Variants in CNBD2 observed in about 807,000 individuals in gnomAD.
CNBD2 encodes cyclic nucleotide binding domain containing 2.
CNBD2 carries 64 observed loss-of-function variants against 63.7 expected under a neutral mutation model. The observed-to-expected ratio is 1.00, with a 90% confidence interval of 0.82 to 1.24. The LOEUF is 1.24. CNBD2 is among the 50% of genes most tolerant of loss of function. CNBD2 has a pLI of 0.00. For missense variants in CNBD2, 691 were observed against 713.5 expected, an observed-to-expected ratio of 0.97 and a Z score of 0.36; for synonymous variants, 229 against 255.4, an observed-to-expected ratio of 0.90 and a Z score of 0.99.
intron 10 of CNBD2, among the ~76,000 whole-genome samples, chr20:36,017,180 G>T (rs1199176789): frequency 6.6e-6 from 1 of 152,106 alleles, no homozygotes; most frequent in Non-Finnish European, 1.5e-5. Flanking sequence ...AGAGGAGGAG[G>T]AGCAGTGTGC....
At position 35,995,116 on chromosome 20, in the gene CNBD2, C is replaced by CATCA; in HGVS notation, c.934_935insATCA (p.Leu312HisfsTer14). 1 of 1,613,926 alleles carries CATCA rather than the reference C, an allele frequency of 6.2e-7. No individual in the cohort carries two copies. ...TAGATGGATCTGGCAGCACCTGGAG[C>CATCA]TGATAGATGGCAGACCTCTGAAGAC... On this transcript the variant is annotated frameshift_variant, in exon 8 of 12. Coordinates refer to ENST00000373973, the MANE Select transcript of CNBD2 (RefSeq NM_001365709.1). LOFTEE classifies it high-confidence loss of function.
upstream of CNBD2, among the ~76,000 whole-genome samples, chr20:35,966,203 T>C (rs184829923): frequency 2.0e-5 from 3 of 152,320 alleles, no homozygotes; most frequent in Admixed American, 2.0e-4. Flanking sequence ...TCTGTCTCTC[T>C]TTCTAAAACT....
At chr20:36,017,113 C>T (rs189552107) in intron 10 of CNBD2, among the ~76,000 whole-genome samples, 3 of 150,706 alleles carry the variant, frequency 2.0e-5, no homozygotes, top group South Asian at 4.2e-4. Context: ...TGGATGACCA[C>T]GCTTGGCTAT....
In CNBD2 at chr20:36,020,973, A is replaced by G. The variant is rs80036275; in HGVS notation, c.1270-2629A>G. Reference sequence around the variant, plus strand: ...TACGTGGTCATATTTCAAGGTCTAGAACCCAAATGGTGGAGGTGGGGAGGG... The same window carrying G: ...TACGTGGTCATATTTCAAGGTCTAGGACCCAAATGGTGGAGGTGGGGAGGG... On this transcript the variant is annotated intron_variant, in intron 10 of 11. Coordinates refer to ENST00000373973, the MANE Select transcript of CNBD2 (RefSeq NM_001365709.1). 4.5e-4 allele frequency among the ~76,000 whole-genome samples: 69 copies of G among 152,314 alleles called. No homozygotes were observed. The East Asian group carries it at 0.013, about 29-fold the overall frequency.
chr20:36,028,899 C>T (rs867338601), intron 11 of CNBD2, among the ~76,000 whole-genome samples: 4 of 152,120 alleles, frequency 2.6e-5, no homozygotes, highest in Non-Finnish European at 5.9e-5. Flanking sequence ...TAGTCTCAAA[C>T]TCCTGATCTG....
chr20:36,017,284 T>C (rs2057148045), intron 10 of CNBD2, among the ~76,000 whole-genome samples: 2 of 152,058 alleles, frequency 1.3e-5, no homozygotes, highest in Non-Finnish European at 2.9e-5. Context: ...TGAAGCCTCA[T>C]GTGTGGTTAT....
upstream of CNBD2, among the ~76,000 whole-genome samples, chr20:35,965,249 C>T (rs2056336796): frequency 6.8e-6 from 1 of 147,908 alleles, no homozygotes; most frequent in Admixed American, 6.8e-5. Flanking sequence ...GCAATCTTGG[C>T]TCACTGCAAC....
intron 10 of CNBD2, among the ~76,000 whole-genome samples, chr20:36,019,013 T>C (rs558223410): frequency 7.2e-5 from 11 of 152,344 alleles, no homozygotes; most frequent in Non-Finnish European, 1.3e-4. Flanking sequence ...CAAAGTGCCA[T>C]TGTGGCTGAG....
In CNBD2 at chr20:35,978,279, C is replaced by T. The variant is rs956277286; in HGVS notation, c.244-2180C>T. 4.6e-5 allele frequency among the ~76,000 whole-genome samples: 7 copies of T among 151,866 alleles called. No individual in the cohort carries two copies. In the East Asian group the frequency reaches 5.8e-4, roughly 13 times the overall value. On this transcript the variant is annotated intron_variant, in intron 3 of 11. Coordinates refer to ENST00000373973, the MANE Select transcript of CNBD2 (RefSeq NM_001365709.1). ...CAACCTCAACCTCCTTGGGCTCAAG[C>T]GGTCCTCCCATTTTAGTGCCCCCCA...
intron 2 of CNBD2, among the ~76,000 whole-genome samples, chr20:35,962,089 C>T (rs377291872): frequency 6.6e-6 from 1 of 152,260 alleles, no homozygotes. Flanking sequence ...CATTAACCTT[C>T]TGGATCTTCT....
chr20:36,009,449 A>G (rs969105186), intron 9 of CNBD2, among the ~76,000 whole-genome samples: 3 of 151,008 alleles, frequency 2.0e-5, no homozygotes, highest in Non-Finnish European at 4.4e-5. Context: ...TGATCCGCCC[A>G]CCTCGGCCTC....
chr20:35,965,921 C>G (rs1235661028), upstream of CNBD2, among the ~76,000 whole-genome samples: 1 of 152,142 alleles, frequency 6.6e-6, no homozygotes, highest in Non-Finnish European at 1.5e-5. Flanking sequence ...TGGCAGTAAA[C>G]ATTTTTGGGG....
chr20:36,026,041 T>G (rs562860363), intron 11 of CNBD2, among the ~76,000 whole-genome samples: 118 of 152,194 alleles, frequency 7.8e-4, no homozygotes, highest in African/African-American at 2.4e-3. Context: ...TTGTTTTGTG[T>G]GTGTGTGTGA....
intron 11 of CNBD2, among the ~76,000 whole-genome samples, chr20:36,026,836 C>G (rs939642331): frequency 2.6e-5 from 4 of 152,186 alleles, no homozygotes; most frequent in Non-Finnish European, 5.9e-5. Context: ...TGTCATTGAC[C>G]GTATCGTGTT....
At chr20:36,020,399 T>G (rs1568927395) in intron 10 of CNBD2, among the ~76,000 whole-genome samples, 1 of 152,152 alleles carries the variant, frequency 6.6e-6, no homozygotes, top group Non-Finnish European at 1.5e-5. Context: ...ACAATTTTCT[T>G]AACCTCAGCA....
At chr20:36,018,192 G>A (rs1226780167) in intron 10 of CNBD2, among the ~76,000 whole-genome samples, 2 of 152,186 alleles carry the variant, frequency 1.3e-5, no homozygotes, top group Admixed American at 1.3e-4. Context: ...GGACAGGGAG[G>A]CCTGGGCAGG....
chr20:35,988,707 A>G (rs2056702446), intron 7 of CNBD2, among the ~76,000 whole-genome samples: 1 of 152,202 alleles, frequency 6.6e-6, no homozygotes, highest in African/African-American at 2.4e-5. Flanking sequence ...AACTCTCAGT[A>G]TCGTAATTTT....
intron 10 of CNBD2, among the ~76,000 whole-genome samples, chr20:36,012,646 A>G (rs1317928472): frequency 1.3e-5 from 2 of 151,358 alleles, no homozygotes; most frequent in African/African-American, 4.9e-5. Flanking sequence ...ACCAACATGG[A>G]GAAACCCTGT....
At chr20:35,955,248 A>G (rs1357185744) in exon 1 of CNBD2, 1 of 153,590 alleles carries the variant, frequency 6.5e-6, no homozygotes, top group Admixed American at 6.5e-5. Context: ...ATATTGTAAA[A>G]TACGGGACTT....
Sources: allele counts gnomAD v4.1 joint callset (sites outside exome capture counted in the v4.1 genomes callset), GRCh38; gene constraint gnomAD v4.1.1; transcripts MANE v1.5; gene names NCBI Gene and HGNC (gene_info 2026-07-23, HGNC 2026-07-21).